Variants in ATP8B1 observed in about 807,000 individuals in gnomAD.
ATP8B1 encodes phospholipid-transporting ATPase IC.
Under a neutral mutation model 149.9 loss-of-function variants are expected in ATP8B1, and 80 were observed. The ratio of observed to expected loss-of-function variants is 0.53; its 90% confidence interval spans 0.45 to 0.64. ATP8B1 has a LOEUF of 0.64. Among genes scored for constraint, ATP8B1 ranks in the 30% least tolerant of loss-of-function variants. The pLI, the probability that ATP8B1 is intolerant of heterozygous loss-of-function variation, is 0.00. For missense variants in ATP8B1, 1,247 were observed against 1,552.6 expected, an observed-to-expected ratio of 0.80 and a Z score of 3.31; for synonymous variants, 536 against 562.8, an observed-to-expected ratio of 0.95 and a Z score of 0.67.
chr18:57,778,602 G>A (rs1274699008), intron 1 of ATP8B1, among the ~76,000 whole-genome samples: 1 of 152,154 alleles, frequency 6.6e-6, no homozygotes, highest in Non-Finnish European at 1.5e-5. Flanking sequence ...CAGTCAAGGT[G>A]TGAGCCAGAG....
intron 1 of ATP8B1, among the ~76,000 whole-genome samples, chr18:57,764,296 T>TCC (rs2080185723): frequency 7.7e-6 from 1 of 130,258 alleles, no homozygotes; most frequent in Non-Finnish European, 1.8e-5. Flanking sequence ...CTTTCTTCTT[T>TCC]TCTTCCTTCC....
At chr18:57,664,163 A>G (rs1910707862) in intron 20 of ATP8B1, among the ~76,000 whole-genome samples, 1 of 151,348 alleles carries the variant, frequency 6.6e-6, no homozygotes, top group Admixed American at 6.6e-5. Flanking sequence ...CATTTTTCAA[A>G]GACAGTCAAA....
At chr18:57,708,679 G>A (rs758132107) in intron 2 of ATP8B1, 1 of 152,196 alleles carries the variant, frequency 6.6e-6, no homozygotes, top group African/African-American at 2.4e-5. Flanking sequence ...AGACAGAAAA[G>A]GCCAATAAGG....
chr18:57,648,071 C>T lies in ATP8B1; in HGVS notation c.*417G>A, dbSNP rs1347668699. 6.1e-6 allele frequency: 2 copies of T among 330,098 alleles called. No individual in the cohort carries two copies. The highest frequency in any genetic ancestry group is 8.4e-5 in the Admixed American group (2 of 23,912). 20.4% of individuals were successfully genotyped at this position (330,098 alleles called of 1,614,324 possible). On this transcript the variant is annotated 3_prime_UTR_variant, in exon 28 of 28. Transcript: ENST00000648908. ...GCGCAATCTCGGCTCACTGTAACCT[C>T]CATCTCCCAGGTTCAAGCGATTCTT...
chr18:57,767,182 A>G (rs1200950602), intron 1 of ATP8B1, among the ~76,000 whole-genome samples: 1 of 152,186 alleles, frequency 6.6e-6, no homozygotes, highest in Non-Finnish European at 1.5e-5. Flanking sequence ...TGAAGCTCTA[A>G]GAACTAAGGT....
At position 57,701,271 on chromosome 18, in the gene ATP8B1, C is replaced by G. The variant is rs747196160; in HGVS notation, c.436G>C (p.Val146Leu). 1 of 1,614,154 alleles carries G rather than the reference C, an allele frequency of 6.2e-7. No homozygotes were observed. The highest frequency in any genetic ancestry group is 1.1e-5 in the South Asian group (1 of 91,074). ...ACGCCCAGCACCACAAGCAGGGGCA[C>G]TAGTGTGGTGTACCAAGCCAGGGTA... is the stretch of plus-strand genomic sequence containing the variant. ...ISTLAWYTTLVPLLVVLGVTA... is the reference protein window; with the variant it reads ...ISTLAWYTTLLPLLVVLGVTA... The change falls in exon 5 of 28, where the codon GTG (valine) becomes CTG (leucine). Residue 146 changes from valine (V) to leucine (L), a missense_variant. By Grantham distance (32) the Val-to-Leu change is conservative. This residue lies in a region of ATP8B1 where 853 missense variants were observed against 1,035.7 expected (regional missense o/e 0.82). Coordinates refer to ENST00000648908, the MANE Select transcript of ATP8B1 (RefSeq NM_001374385.1).
intron 1 of ATP8B1, among the ~76,000 whole-genome samples, chr18:57,782,583 C>G (rs2080366413): frequency 6.6e-6 from 1 of 152,106 alleles, no homozygotes; most frequent in South Asian, 2.1e-4. Flanking sequence ...TGATGCTTCC[C>G]AGGTGAACTT....
chr18:57,774,204 T>C (rs2080287088), intron 1 of ATP8B1, among the ~76,000 whole-genome samples: 1 of 145,612 alleles, frequency 6.9e-6, no homozygotes, highest in African/African-American at 2.5e-5. Flanking sequence ...TGTCACCTTT[T>C]TAGGAGCCCA....
chr18:57,751,707 A>G (rs1477592833), intron 1 of ATP8B1, among the ~76,000 whole-genome samples: 1 of 152,154 alleles, frequency 6.6e-6, no homozygotes, highest in African/African-American at 2.4e-5. Flanking sequence ...GACTGTGCCC[A>G]TTGCAGGCCC....
chr18:57,712,992 A>G (rs541215147), intron 2 of ATP8B1, among the ~76,000 whole-genome samples: 22 of 152,054 alleles, frequency 1.4e-4, no homozygotes, highest in African/African-American at 4.8e-4. Flanking sequence ...CAGTAGTGAT[A>G]CCCAGTTAAT....
intron 26 of ATP8B1, among the ~76,000 whole-genome samples, chr18:57,650,954 C>CAAAG (rs1395445464): frequency 6.6e-6 from 1 of 152,006 alleles, no homozygotes; most frequent in Non-Finnish European, 1.5e-5. Flanking sequence ...CATTATGGCT[C>CAAAG]AAAGAACAGA....
intron 21 of ATP8B1, among the ~76,000 whole-genome samples, chr18:57,662,257 GAAAA>G (rs924030623): frequency 6.6e-6 from 1 of 152,034 alleles, no homozygotes; most frequent in Non-Finnish European, 1.5e-5. Flanking sequence ...AGAAGAAAAT[GAAAA>G]AACCCATTAA....
intron 24 of ATP8B1, among the ~76,000 whole-genome samples, chr18:57,653,703 T>C (rs1909794034): frequency 1.6e-5 from 2 of 127,120 alleles, no homozygotes; most frequent in African/African-American, 5.9e-5. Flanking sequence ...TTTTTTTTTT[T>C]GTCTTAGAGA....
At chr18:57,727,751 C>T (rs1281387865) in intron 2 of ATP8B1, among the ~76,000 whole-genome samples, 1 of 152,182 alleles carries the variant, frequency 6.6e-6, no homozygotes, top group East Asian at 1.9e-4. Context: ...CGCGCCTCTG[C>T]TCTCCAGTCT....
Position 57,771,339 on chromosome 18 carries a change from A to G in ATP8B1, c.-26+31659T>C, listed in dbSNP as rs573827060. Among the ~76,000 whole-genome samples, 4 of 152,342 alleles carry G rather than the reference A, an allele frequency of 2.6e-5. No homozygotes were observed. The East Asian group carries it at 7.7e-4, about 29-fold the overall frequency. On this transcript the variant is annotated intron_variant, in intron 1 of 27. Transcript: ENST00000648908. ...GGAGTAGTCCATCACTCATTCAGAC[A>G]GTTTTATTAAGCGTGATATAGTCTA... is the stretch of plus-strand genomic sequence containing the variant.
At chr18:57,768,167 C>T (rs2080230414) in intron 1 of ATP8B1, among the ~76,000 whole-genome samples, 1 of 151,990 alleles carries the variant, frequency 6.6e-6, no homozygotes, top group South Asian at 2.1e-4. Context: ...AGGCAGATCA[C>T]CTGCAGTCAG....
At chr18:57,655,545 C>T in intron 22 of ATP8B1, 128 bp from the exon 23 acceptor site, 1 of 848,978 alleles carries the variant, frequency 1.2e-6, no homozygotes, top group Non-Finnish European at 1.9e-6. Context: ...AATACAGAAG[C>T]TCTTGCTCAC....
rs530739448 is a variant in ATP8B1 at position 57,773,200 on chromosome 18, T to TAAAAAA, written c.-26+29797_-26+29798insTTTTTT. Among the ~76,000 whole-genome samples, 21 of 125,546 alleles carry TAAAAAA rather than the reference T, an allele frequency of 1.7e-4. 5 individuals are homozygous for TAAAAAA. Among genetic ancestry groups the TAAAAAA allele is most frequent in the East Asian group, 3.1e-4 (1 of 3,188 alleles). 82.4% of individuals were successfully genotyped at this position (125,546 alleles called of 152,430 possible). A position where few individuals can be genotyped will look rare whatever the true frequency, so the allele number is the denominator to read the frequency against. Reference sequence around the variant, plus strand: ...CTGGGTGACAGAGCGAGACTCTGTCTTAAAAAAAAAAAAAAAAAGAAAAGA... The same window carrying TAAAAAA: ...CTGGGTGACAGAGCGAGACTCTGTCTAAAAAATAAAAAAAAAAAAAAAAAGAAAAGA... On this transcript the variant is annotated intron_variant, in intron 1 of 27. Coordinates refer to ENST00000648908, the MANE Select transcript of ATP8B1 (RefSeq NM_001374385.1).
intron 24 of ATP8B1, 87 bp from the exon 25 acceptor site, chr18:57,652,816 G>T: frequency 6.4e-7 from 1 of 1,570,170 alleles, no homozygotes; most frequent in Non-Finnish European, 8.7e-7. Flanking sequence ...ACAAAAAGTT[G>T]CAGCCTGCTG....
Sources: gnomAD v4.1 joint callset for allele counts (sites outside exome capture counted in the v4.1 genomes callset) on GRCh38, gnomAD v4.1.1 for gene constraint, gnomAD v4.1.1 regional missense constraint, MANE v1.5 for transcripts, NCBI Gene and HGNC (gene_info 2026-07-23, HGNC 2026-07-21) for gene names.